Variants in CDK13 observed in about 807,000 individuals in gnomAD.
The protein encoded by CDK13 is cyclin dependent kinase 13.
Under a neutral mutation model 137.6 loss-of-function variants are expected in CDK13, and 40 were observed. The ratio of observed to expected loss-of-function variants is 0.29; its 90% confidence interval spans 0.23 to 0.38. The LOEUF is 0.38. Among genes scored for constraint, CDK13 ranks in the 10% least tolerant of loss-of-function variants. The probability of loss-of-function intolerance (pLI) is 1.00; values close to 1 mark genes in which losing one functional copy is unlikely to be tolerated. For synonymous variants in CDK13, 869 were observed against 760.1 expected (o/e 1.14, Z -2.36); for missense variants, 1,704 against 1,951.8 (o/e 0.87, Z 2.39).
chr7:40,087,422 C>T (rs542212086), intron 11 of CDK13, among the ~76,000 whole-genome samples: 32 of 152,174 alleles, frequency 2.1e-4, no homozygotes, highest in African/African-American at 7.5e-4. Context: ...GGATTATAGG[C>T]GTGAGCCACT....
At chr7:40,005,372 C>T (rs1029345859) in intron 5 of CDK13, among the ~76,000 whole-genome samples, 2 of 151,072 alleles carry the variant, frequency 1.3e-5, no homozygotes, top group Non-Finnish European at 2.9e-5. Context: ...TCATTGCAAT[C>T]TCTGCCTCTC....
At chr7:40,042,481 T>TC (rs1785631689) in intron 5 of CDK13, among the ~76,000 whole-genome samples, 1 of 121,690 alleles carries the variant, frequency 8.2e-6, no homozygotes, top group Non-Finnish European at 1.8e-5. Flanking sequence ...TTCTTTCTTT[T>TC]TTTTTTTTTT....
intron 9 of CDK13, chr7:40,066,957 T>C (rs1393671091): frequency 6.6e-6 from 1 of 152,218 alleles, no homozygotes; most frequent in Non-Finnish European, 1.5e-5. Flanking sequence ...ACCCATTTTT[T>C]TTTTGTTAAA....
intron 11 of CDK13, among the ~76,000 whole-genome samples, chr7:40,085,269 G>A (rs1786763756): frequency 6.6e-6 from 1 of 151,910 alleles, no homozygotes. Context: ...GCTGAGGCAG[G>A]AGAATTGCTT....
chr7:40,011,180 A>G lies in CDK13; in HGVS notation c.2353+9149A>G, dbSNP rs151121379. ...CAAATTCAAAGGAGCTAGAATAACC[A>G]AAAGAATCTTAGAAGAACAAAGTTG... On this transcript the variant is annotated intron_variant, in intron 5 of 13. Transcript: ENST00000181839. 2.9e-4 allele frequency among the ~76,000 whole-genome samples: 44 copies of G among 152,346 alleles called. 1 individual carries two copies. The East Asian group carries it at 7.3e-3, about 25-fold the overall frequency.
intron 5 of CDK13, among the ~76,000 whole-genome samples, chr7:40,006,362 G>T (rs1784796145): frequency 6.6e-6 from 1 of 152,186 alleles, no homozygotes; most frequent in South Asian, 2.1e-4. Context: ...ATTATGGATG[G>T]AGATGCATTT....
chr7:40,053,498 T>G (rs1277037838), intron 7 of CDK13, among the ~76,000 whole-genome samples: 1 of 152,198 alleles, frequency 6.6e-6, no homozygotes, highest in Non-Finnish European at 1.5e-5. Flanking sequence ...CTATTTGTAG[T>G]TCCCTAAACT....
At chr7:39,992,070 T>TACACACACACACACACACACAC (rs148046155) in intron 2 of CDK13, among the ~76,000 whole-genome samples, 1 of 146,982 alleles carries the variant, frequency 6.8e-6, no homozygotes, top group Non-Finnish European at 1.5e-5. Flanking sequence ...GAAAAAATTA[T>TACACACACACACACACACACAC]ACACACACAC....
chr7:39,966,839 C>A lies in CDK13; in HGVS notation c.1211+14987C>A, dbSNP rs563719774. 1.1e-4 allele frequency among the ~76,000 whole-genome samples: 17 copies of A among 152,258 alleles called. No homozygotes were observed. The East Asian group carries it at 2.5e-3, about 22-fold the overall frequency. Reference sequence around the variant, plus strand: ...TAGCTTTCCTTCTAACAGTCAGGACCCTCAGCTGCAGGTCCGTTGGAGTTT... The same window carrying A: ...TAGCTTTCCTTCTAACAGTCAGGACACTCAGCTGCAGGTCCGTTGGAGTTT... On this transcript the variant is annotated intron_variant, in intron 1 of 13. Transcript: ENST00000181839.
chr7:39,997,547 T>A lies in CDK13; in HGVS notation c.1925T>A (p.Leu642His). 1 of 1,603,950 alleles carries A rather than the reference T, an allele frequency of 6.2e-7. No individual in the cohort carries two copies. Among genetic ancestry groups the A allele is most frequent in the Non-Finnish European group, 8.5e-7 (1 of 1,177,750 alleles). The change falls in exon 3 of 14, where the codon CTC becomes CAC. Residue 642 changes from leucine to histidine, a missense_variant. Transcript: ENST00000181839. ...GTTAAAAAAGAAGTAGAAAAGAAACTCCGATGTCTTCTTGCTGATTTACCG... is the reference window on the plus strand; with the variant it reads ...GTTAAAAAAGAAGTAGAAAAGAAACACCGATGTCTTCTTGCTGATTTACCG... The part of the protein sequence containing the change: ...KAVKKEVEKK[L>H]RCLLADLPLP...
intron 1 of CDK13, among the ~76,000 whole-genome samples, chr7:39,979,237 CAG>C (rs1045932124): frequency 8.4e-6 from 1 of 118,718 alleles, no homozygotes; most frequent in African/African-American, 3.4e-5. Flanking sequence ...TTTTTTGAGA[CAG>C]AGTTTTCGCT....
chr7:40,087,800 C>T (rs570139061), intron 11 of CDK13, among the ~76,000 whole-genome samples: 31 of 152,132 alleles, frequency 2.0e-4, no homozygotes, highest in African/African-American at 3.9e-4. Context: ...CCACCTATGT[C>T]GGCCTCCCAA....
chr7:40,007,585 C>T (rs895682956), intron 5 of CDK13, among the ~76,000 whole-genome samples: 1 of 152,036 alleles, frequency 6.6e-6, no homozygotes, highest in African/African-American at 2.4e-5. Context: ...GCCACCACAC[C>T]CAGCTAATTT....
chr7:40,001,842 T>G lies in CDK13; in HGVS notation c.2183-19T>G. On this transcript the variant is annotated intron_variant, in intron 4 of 13. Coordinates refer to ENST00000181839, the MANE Select transcript of CDK13 (RefSeq NM_003718.5). ...GCTTTTGTTAACTGGTAACCTGATT[T>G]TATTAAATTCCTTAATAGGAGAAAT... 1 of 1,509,532 alleles carries G rather than the reference T, an allele frequency of 6.6e-7. No individual in the cohort carries two copies. Among genetic ancestry groups the G allele is most frequent in the Non-Finnish European group, 9.1e-7 (1 of 1,095,674 alleles). 93.5% of individuals were successfully genotyped at this position (1,509,532 alleles called of 1,614,324 possible).
chr7:40,071,164 T>C (rs1209959175), intron 9 of CDK13: 1 of 152,188 alleles, frequency 6.6e-6, no homozygotes, highest in Non-Finnish European at 1.5e-5. Context: ...GCATAAAATA[T>C]TCTGTAGAGT....
chr7:40,054,021 C>A (rs1156398142), intron 7 of CDK13, among the ~76,000 whole-genome samples: 1 of 152,130 alleles, frequency 6.6e-6, no homozygotes, highest in African/African-American at 2.4e-5. Flanking sequence ...TATGGGAGTG[C>A]TTCTCTGGTA....
At chr7:40,028,260 C>T (rs1785288174) in intron 5 of CDK13, among the ~76,000 whole-genome samples, 1 of 147,632 alleles carries the variant, frequency 6.8e-6, no homozygotes, top group Non-Finnish European at 1.5e-5. Flanking sequence ...CACTCTGTCG[C>T]CAGGCTGGAG....
chr7:39,995,188 A>T (rs187429921), intron 2 of CDK13, among the ~76,000 whole-genome samples: 3 of 152,296 alleles, frequency 2.0e-5, no homozygotes, highest in African/African-American at 7.2e-5. Context: ...TTCAATAAAA[A>T]TGTTTTAAAT....
At chr7:40,046,083 G>GT in intron 6 of CDK13, 58 bp downstream of exon 6, 5 of 1,078,270 alleles carry the variant, frequency 4.6e-6, no homozygotes, top group Non-Finnish European at 6.8e-6. Flanking sequence ...CATGTACATG[G>GT]AGAGAATAGA....
Sources: gnomAD v4.1 joint callset for allele counts (sites outside exome capture counted in the v4.1 genomes callset) on GRCh38, gnomAD v4.1.1 for gene constraint, MANE v1.5 for transcripts, NCBI Gene and HGNC (gene_info 2026-07-23, HGNC 2026-07-21) for gene names.